VSTM5: variants seen among roughly 807,000 people sequenced by gnomAD.
VSTM5 encodes V-set and transmembrane domain containing 5, also known as V-set and transmembrane domain-containing protein 5.
A neutral mutation model predicts 20.3 loss-of-function variants in VSTM5; 21 were observed. The ratio of observed to expected loss-of-function variants is 1.03; its 90% CI spans 0.73 to 1.49. The LOEUF (loss-of-function observed/expected upper bound fraction) is 1.49, where lower values mean the gene tolerates loss of function less well. Ranked by LOEUF, VSTM5 falls within the 40% of genes most tolerant of loss-of-function variation. The probability of loss-of-function intolerance (pLI) is 0.00; values close to 1 mark genes in which losing one functional copy is unlikely to be tolerated. For missense variants in VSTM5, 219 were observed against 250.0 expected, an observed-to-expected ratio of 0.88 and a Z score of 0.84; for synonymous variants, 100 against 102.5, an observed-to-expected ratio of 0.98 and a Z score of 0.14.
chr11:93,842,926 A>G (rs1216361101), intron 1 of VSTM5, among the ~76,000 whole-genome samples: 2 of 152,242 alleles, frequency 1.3e-5, no homozygotes, highest in East Asian at 3.9e-4. Flanking sequence ...ACATGGTGAA[A>G]CCAAAAATAC....
chr11:93,821,424 C>T (rs1055715218), intron 1 of VSTM5, 101 bp from the exon 2 acceptor site: 2 of 1,101,958 alleles, frequency 1.8e-6, no homozygotes, highest in Non-Finnish European at 2.6e-6. Flanking sequence ...TTATTGTGTG[C>T]CTATTATATG....
intron 1 of VSTM5, among the ~76,000 whole-genome samples, chr11:93,844,858 C>G (rs2135740170): frequency 7.5e-6 from 1 of 132,560 alleles, no homozygotes; most frequent in Admixed American, 7.3e-5. Flanking sequence ...CAGCTCTTGG[C>G]AAGCTGTTCC....
intron 1 of VSTM5, among the ~76,000 whole-genome samples, chr11:93,846,441 G>A (rs563439963): frequency 1.3e-5 from 2 of 152,338 alleles, no homozygotes; most frequent in East Asian, 1.9e-4. Flanking sequence ...TTTCTGAGAT[G>A]GGGAGGAAGT....
At chr11:93,832,660 C>T (rs936942609) in intron 1 of VSTM5, among the ~76,000 whole-genome samples, 1 of 152,212 alleles carries the variant, frequency 6.6e-6, no homozygotes, top group Non-Finnish European at 1.5e-5. Flanking sequence ...TGGACAACCC[C>T]ATGAGCATTA....
intron 1 of VSTM5, among the ~76,000 whole-genome samples, chr11:93,822,311 G>A (rs921107654): frequency 2.6e-5 from 4 of 151,942 alleles, no homozygotes; most frequent in African/African-American, 9.7e-5. Flanking sequence ...TCAAACTCCC[G>A]ACCTCATCAT....
chr11:93,846,381 G>A (rs1443542516), intron 1 of VSTM5, among the ~76,000 whole-genome samples: 1 of 152,170 alleles, frequency 6.6e-6, no homozygotes, highest in African/African-American at 2.4e-5. Flanking sequence ...TGACTTTCCA[G>A]TTGACTCCAG....
intron 1 of VSTM5, among the ~76,000 whole-genome samples, chr11:93,841,171 T>C (rs1474917705): frequency 1.3e-5 from 2 of 152,218 alleles, no homozygotes; most frequent in African/African-American, 2.4e-5. Flanking sequence ...TTTATCTGCA[T>C]AGGCCACCAA....
At chr11:93,847,041 A>C (rs754482472) in intron 1 of VSTM5, among the ~76,000 whole-genome samples, 9 of 152,202 alleles carry the variant, frequency 5.9e-5, no homozygotes, top group Non-Finnish European at 1.3e-4. Context: ...CTGGGATTAC[A>C]GGCATGAGCC....
intron 1 of VSTM5, among the ~76,000 whole-genome samples, chr11:93,832,242 A>C (rs1944288862): frequency 6.6e-6 from 1 of 152,256 alleles, no homozygotes; most frequent in Admixed American, 6.5e-5. Flanking sequence ...AGAATGAGGC[A>C]AATCTATATG....
In VSTM5 at chr11:93,821,042, G is replaced by C; in HGVS notation, c.373C>G (p.Arg125Gly). 2 of 1,551,694 alleles carry C rather than the reference G, an allele frequency of 1.3e-6. No homozygotes were observed. Among genetic ancestry groups the C allele is most frequent in the Non-Finnish European group, 1.7e-6 (2 of 1,146,992 alleles). The change falls in exon 2 of 4, where the codon CGC (arginine) becomes GGC (glycine). Residue 125 changes from arginine to glycine, a missense_variant. Coordinates refer to ENST00000409977, the MANE Select transcript of VSTM5 (RefSeq NM_001144871.2). ...SGYYVITVTE[R>G]LGSSQFGTIV... is the part of the protein sequence containing the mutation. ...GTGCCAAACTGGCTGCTCCCCAGGC[G>C]CTCCGTCACGGTGATGACATAGTAG...
chr11:93,832,248 A>G (rs531785741), intron 1 of VSTM5, among the ~76,000 whole-genome samples: 136 of 152,378 alleles, frequency 8.9e-4, no homozygotes, highest in African/African-American at 3.0e-3. Flanking sequence ...AGGCAAATCT[A>G]TATGTGTTGA....
At chr11:93,829,526 C>A (rs1428860098) in intron 1 of VSTM5, among the ~76,000 whole-genome samples, 2 of 151,968 alleles carry the variant, frequency 1.3e-5, no homozygotes, top group African/African-American at 4.8e-5. Flanking sequence ...GAGACTCAGT[C>A]TCAAGAAAAA....
chr11:93,847,333 G>A (rs757169524), intron 1 of VSTM5, among the ~76,000 whole-genome samples: 9 of 152,084 alleles, frequency 5.9e-5, no homozygotes, highest in Non-Finnish European at 1.3e-4. Flanking sequence ...AGGGCCTTGA[G>A]AGGATTCCTT....
chr11:93,847,861 C>T (rs970036098), intron 1 of VSTM5, among the ~76,000 whole-genome samples: 3 of 152,168 alleles, frequency 2.0e-5, no homozygotes, highest in Admixed American at 6.5e-5. Context: ...CTGGGAAGCT[C>T]AAGATCAAGG....
chr11:93,826,042 C>T (rs1944231952), intron 1 of VSTM5, among the ~76,000 whole-genome samples: 1 of 151,928 alleles, frequency 6.6e-6, no homozygotes, highest in Admixed American at 6.6e-5. Flanking sequence ...AGTTCAAGAC[C>T]AGCCTGGGTA....
chr11:93,828,500 G>T (rs1944255794), intron 1 of VSTM5, among the ~76,000 whole-genome samples: 1 of 152,122 alleles, frequency 6.6e-6, no homozygotes, highest in African/African-American at 2.4e-5. Context: ...TCAGAAGGGG[G>T]ATATATTTCT....
chr11:93,821,760 T>C (rs1207752471), intron 1 of VSTM5: 1 of 163,682 alleles, frequency 6.1e-6, no homozygotes, highest in East Asian at 1.8e-4. Context: ...ACGACTGAAA[T>C]AAAGAAGAAA....
intron 1 of VSTM5, among the ~76,000 whole-genome samples, chr11:93,833,665 C>A (rs748555714): frequency 4.6e-5 from 7 of 152,212 alleles, no homozygotes; most frequent in Non-Finnish European, 8.8e-5. Flanking sequence ...CAACCTCTTG[C>A]CAAGAAAACA....
chr11:93,834,243 C>T (rs561188389), intron 1 of VSTM5, among the ~76,000 whole-genome samples: 2 of 152,228 alleles, frequency 1.3e-5, no homozygotes, highest in African/African-American at 4.8e-5. Flanking sequence ...CAACAGGGCC[C>T]CATCCTGCCA....
Sources: allele counts gnomAD v4.1 joint callset (sites outside exome capture counted in the v4.1 genomes callset), GRCh38; gene constraint gnomAD v4.1.1; transcripts MANE v1.5; gene names NCBI Gene and HGNC (gene_info 2026-07-23, HGNC 2026-07-21).